Variants in EPHB2 observed in about 807,000 individuals in gnomAD.
EPHB2 encodes the protein ephrin type-B receptor 2.
EPHB2 carries 18 observed loss-of-function variants against 96.4 expected under a neutral mutation model. The ratio of observed to expected loss-of-function variants is 0.19; its 90% CI spans 0.13 to 0.28. The LOEUF is 0.28. EPHB2 is among the 10% of genes least tolerant of loss of function. The pLI, the probability that EPHB2 is intolerant of heterozygous loss-of-function variation, is 1.00. For synonymous variants in EPHB2, 506 were observed against 534.1 expected, an observed-to-expected ratio of 0.95 and a Z score of 0.72; for missense variants, 989 against 1,355.4, an observed-to-expected ratio of 0.73 and a Z score of 4.25.
chr1:22,806,375 C>T (rs563595487), intron 3 of EPHB2, among the ~76,000 whole-genome samples: 19 of 152,240 alleles, frequency 1.2e-4, no homozygotes, highest in Non-Finnish European at 2.1e-4. Context: ...GTCCTTGAAC[C>T]GCAGGAATTG....
chr1:22,806,571 C>T lies in EPHB2; in HGVS notation c.811+21495C>T, dbSNP rs75535999. The stretch of plus-strand genomic sequence containing the variant: ...ACCATGAGGATGGCTTCCCAGGCCC[C>T]AGGATCCCAGCTTCTCAGCACAGTA... On this transcript the variant is annotated intron_variant, in intron 3 of 15. Transcript: ENST00000374630. Among the ~76,000 whole-genome samples the T allele has an allele frequency of 7.6e-3, 1,161 of 152,212 alleles. 12 individuals are homozygous for T. The highest frequency in any genetic ancestry group is 0.027 in the African/African-American group (1,101 of 41,514).
At chr1:22,802,369 C>A (rs138618511) in intron 3 of EPHB2, among the ~76,000 whole-genome samples, 1,988 of 152,138 alleles carry the variant, frequency 0.013, 41 homozygotes, top group African/African-American at 0.046. Context: ...TGGGTATTGA[C>A]TCTTCATTTG....
intron 3 of EPHB2, among the ~76,000 whole-genome samples, chr1:22,806,159 GAATGAAT>G (rs1644921799): frequency 6.6e-6 from 1 of 152,230 alleles, no homozygotes; most frequent in Non-Finnish European, 1.5e-5. Context: ...ATAAATGAAA[GAATGAAT>G]AATAGCCATT....
chr1:22,765,588 G>A (rs1420278852), intron 1 of EPHB2, among the ~76,000 whole-genome samples: 2 of 146,546 alleles, frequency 1.4e-5, no homozygotes, highest in South Asian at 2.2e-4. Context: ...CGTGAGCACC[G>A]GCATTCTCCT....
intron 1 of EPHB2, among the ~76,000 whole-genome samples, chr1:22,766,271 G>C (rs1644306435): frequency 6.6e-6 from 1 of 152,144 alleles, no homozygotes; most frequent in Non-Finnish European, 1.5e-5. Flanking sequence ...TGTGAAATGG[G>C]GACCACATGG....
chr1:22,857,456 A>G (rs545205719), intron 3 of EPHB2, among the ~76,000 whole-genome samples: 5 of 152,048 alleles, frequency 3.3e-5, no homozygotes, highest in African/African-American at 1.2e-4. Context: ...AGGGACCAGC[A>G]TATGTGGCCC....
chr1:22,856,085 G>T (rs1645693750), intron 3 of EPHB2, among the ~76,000 whole-genome samples: 1 of 152,156 alleles, frequency 6.6e-6, no homozygotes, highest in South Asian at 2.1e-4. Flanking sequence ...TGACACACTG[G>T]GCCTGACCCA....
Position 22,710,998 on chromosome 1 carries a change from C to A in EPHB2, c.16C>A (p.Leu6Met). 6.5e-6 allele frequency: 1 copy of A among 153,078 alleles called. No individual in the cohort carries two copies. Among genetic ancestry groups the A allele is most frequent in the South Asian group, 1.6e-4 (1 of 6,398 alleles). The allele number at this position is 153,078 out of a possible 1,614,324, so 9.5% of individuals were successfully genotyped here. A position where few individuals can be genotyped will look rare whatever the true frequency, so the allele number is the denominator to read the frequency against. ...AAGCGCAGCCATGGCTCTGCGGAGG[C>A]TGGGGGCCGCGCTGCTGCTGCTGCC... MALRR[L>M]GAALLLLPLL... The change falls in exon 1 of 16, where the codon CTG becomes ATG. Residue 6 changes from leucine to methionine, a missense_variant. Coordinates refer to ENST00000374630, the MANE Select transcript of EPHB2 (RefSeq NM_017449.5).
intron 9 of EPHB2, among the ~76,000 whole-genome samples, chr1:22,902,734 TC>T (rs1231581265): frequency 2.0e-5 from 3 of 152,124 alleles, no homozygotes; most frequent in African/African-American, 7.2e-5. Flanking sequence ...AGCAGAGTCT[TC>T]CAGAAAGGAG....
chr1:22,851,862 G>A (rs926256992), intron 3 of EPHB2, among the ~76,000 whole-genome samples: 5 of 152,314 alleles, frequency 3.3e-5, no homozygotes, highest in African/African-American at 1.2e-4. Flanking sequence ...CACACAGATG[G>A]CCTGTGTTCT....
At chr1:22,763,342 C>T (rs974424530) in intron 1 of EPHB2, among the ~76,000 whole-genome samples, 4 of 152,156 alleles carry the variant, frequency 2.6e-5, no homozygotes, top group South Asian at 2.1e-4. Flanking sequence ...CCATGGTGCC[C>T]CTGAGAGCAC....
chr1:22,807,400 A>G (rs1321849829), intron 3 of EPHB2, among the ~76,000 whole-genome samples: 1 of 152,222 alleles, frequency 6.6e-6, no homozygotes, highest in Non-Finnish European at 1.5e-5. Flanking sequence ...GGCGCTCAGA[A>G]CGGCTTGGTG....
chr1:22,831,316 C>T (rs115557077), intron 3 of EPHB2, among the ~76,000 whole-genome samples: 1,702 of 152,202 alleles, frequency 0.011, 22 homozygotes, highest in African/African-American at 0.039. Flanking sequence ...AGATACAAAC[C>T]CAGAACTGGG....
chr1:22,802,088 G>A (rs978341400), intron 3 of EPHB2, among the ~76,000 whole-genome samples: 11 of 152,166 alleles, frequency 7.2e-5, no homozygotes, highest in African/African-American at 2.7e-4. Flanking sequence ...TGATGCTGGT[G>A]AATGTCACGT....
intron 3 of EPHB2, among the ~76,000 whole-genome samples, chr1:22,794,826 C>T (rs1644744599): frequency 6.6e-6 from 1 of 152,222 alleles, no homozygotes; most frequent in Non-Finnish European, 1.5e-5. Flanking sequence ...CTCCAGATCA[C>T]TCCAGCAGGA....
chr1:22,782,999 A>G (rs1297357916), intron 2 of EPHB2, among the ~76,000 whole-genome samples: 2 of 152,166 alleles, frequency 1.3e-5, no homozygotes, highest in Non-Finnish European at 2.9e-5. Context: ...CTCTTCCATC[A>G]GCTGCCACCC....
rs1018181618 is a variant in EPHB2 at position 22,918,757 on chromosome 1, A to G, written c.*5187A>G. Reference sequence around the variant, plus strand: ...CAGAAAAGGACTTGGCCTTTGTCACATAACAGGAAAGAGAGTCAACTCCGG... The same window carrying G: ...CAGAAAAGGACTTGGCCTTTGTCACGTAACAGGAAAGAGAGTCAACTCCGG... On this transcript the variant is annotated 3_prime_UTR_variant, in exon 16 of 16. Transcript: ENST00000374630. The surrounding 1 kb of genome is among the most constrained non-coding windows in gnomAD (Gnocchi z 4.2). 2 of 152,236 alleles carry G rather than the reference A, an allele frequency of 1.3e-5. No individual in the cohort carries two copies. Among genetic ancestry groups the G allele is most frequent in the Non-Finnish European group, 2.9e-5 (2 of 68,060 alleles). 9.4% of individuals were successfully genotyped at this position (152,236 alleles called of 1,614,324 possible). A position where few individuals can be genotyped will look rare whatever the true frequency, so the allele number is the denominator to read the frequency against.
chr1:22,828,649 C>T (rs1027802549), intron 3 of EPHB2, among the ~76,000 whole-genome samples: 3 of 152,248 alleles, frequency 2.0e-5, no homozygotes, highest in African/African-American at 2.4e-5. Context: ...CCGCCTGTCA[C>T]GGCCACAGAA....
At chr1:22,761,700 A>G (rs893923397) in intron 1 of EPHB2, among the ~76,000 whole-genome samples, 2 of 151,936 alleles carry the variant, frequency 1.3e-5, no homozygotes, top group Non-Finnish European at 2.9e-5. Context: ...CTCCCTGGCA[A>G]CCCTTCCCCT....
Sources: allele counts gnomAD v4.1 joint callset (sites outside exome capture counted in the v4.1 genomes callset), GRCh38; gene constraint gnomAD v4.1.1; non-coding constraint Gnocchi (gnomAD v3.1); transcripts MANE v1.5; gene names NCBI Gene and HGNC (gene_info 2026-07-23, HGNC 2026-07-21).